Variants in NSDHL observed in about 807,000 individuals in gnomAD.
NSDHL encodes the protein NAD(P) dependent 3-beta-hydroxysteroid dehydrogenase NSDHL.
Under a neutral mutation model 23.0 loss-of-function variants are expected in NSDHL, and 1 was observed. The observed-to-expected ratio is 0.04, with a 90% CI of 0.02 to 0.21. The LOEUF (loss-of-function observed/expected upper bound fraction) is 0.21, where lower values mean the gene tolerates loss of function less well. Ranked by LOEUF, NSDHL falls within the 10% of genes least tolerant of loss-of-function variation. The pLI is 1.00. For missense variants in NSDHL, 237 were observed against 300.9 expected (o/e 0.79, Z 1.57); for synonymous variants, 128 against 121.1 (o/e 1.06, Z -0.37).
At chrX:152,835,652 G>T (rs1299327885) in intron 1 of NSDHL, among the ~76,000 whole-genome samples, 1 of 111,597 alleles carries the variant, frequency 9.0e-6, no homozygotes, top group African/African-American at 3.3e-5. Context: ...TGGCTGCATA[G>T]TATTCCATGG....
At chrX:152,837,636 A>G (rs139309748) in intron 1 of NSDHL, among the ~76,000 whole-genome samples, 3,077 of 112,173 alleles carry the variant, frequency 0.027, 97 homozygotes, top group African/African-American at 0.094. Flanking sequence ...TTGCATCCCT[A>G]GGATGAAGCC....
chrX:152,862,822 G>T, intron 5 of NSDHL, 98 bp downstream of exon 5: 1 of 844,423 alleles, frequency 1.2e-6, no homozygotes, highest in Non-Finnish European at 1.8e-6. Flanking sequence ...TGAGGCCTAC[G>T]TACCTGATTT....
intron 7 of NSDHL, among the ~76,000 whole-genome samples, chrX:152,868,170 C>T: frequency 9.6e-6 from 1 of 104,707 alleles, no homozygotes; most frequent in Non-Finnish European, 2.0e-5. Flanking sequence ...GACAGTCTCA[C>T]TCTGTCACCC....
At chrX:152,857,497 AAGGAC>A (rs1933460205) in intron 3 of NSDHL, among the ~76,000 whole-genome samples, 1 of 112,047 alleles carries the variant, frequency 8.9e-6, no homozygotes, top group Non-Finnish European at 1.9e-5. Flanking sequence ...ATCCAAACTG[AAGGAC>A]AGTCTATAAA....
intron 1 of NSDHL, among the ~76,000 whole-genome samples, chrX:152,840,908 C>G (rs1556844787): frequency 1.8e-5 from 2 of 113,397 alleles, no homozygotes; most frequent in African/African-American, 6.4e-5. Context: ...GCCATGCCCA[C>G]AGAGGTGGAG....
At chrX:152,857,440 C>A (rs1933459390) in intron 3 of NSDHL, among the ~76,000 whole-genome samples, 1 of 112,336 alleles carries the variant, frequency 8.9e-6, no homozygotes, top group African/African-American at 3.2e-5. Flanking sequence ...ATGTGGTATT[C>A]TTGCCAAAAC....
chrX:152,836,996 T>C (rs2125002168), intron 1 of NSDHL, among the ~76,000 whole-genome samples: 1 of 112,110 alleles, frequency 8.9e-6, no homozygotes, highest in Admixed American at 9.4e-5. Context: ...TGGTTCGTAG[T>C]TCTCCTTGAA....
intron 1 of NSDHL, among the ~76,000 whole-genome samples, chrX:152,835,305 T>C (rs898579858): frequency 3.6e-5 from 4 of 110,047 alleles, no homozygotes; most frequent in African/African-American, 1.3e-4. Context: ...CTTTTTTTTT[T>C]TTTAATTATT....
At chrX:152,836,443 A>G (rs781801024) in intron 1 of NSDHL, among the ~76,000 whole-genome samples, 1 of 111,905 alleles carries the variant, frequency 8.9e-6, no homozygotes, top group African/African-American at 3.3e-5. Context: ...TAGGTCTAAC[A>G]TTTAAGTCTT....
rs2071255 is a variant in NSDHL at position 152,867,882 on chromosome X, C to T, written c.789+209C>T. Among the ~76,000 whole-genome samples the T allele has an allele frequency of 0.17, 18,708 of 110,697 alleles. 1,493 individuals carry two copies. The highest frequency in any genetic ancestry group is 0.47 in the East Asian group (1,596 of 3,414). Reference sequence around the variant, plus strand: ...TGGGCAGCCAAATTTGGAGAGCTGACGAGCTGGGATTGAACAGACATTCAG... The same window carrying T: ...TGGGCAGCCAAATTTGGAGAGCTGATGAGCTGGGATTGAACAGACATTCAG... On this transcript the variant is annotated intron_variant, in intron 7 of 7. Transcript: ENST00000370274.
In NSDHL at chrX:152,869,123, C is replaced by G. The variant is rs1556848564; in HGVS notation, c.*7C>G. ...CCTGCGGAGGGTCAAGTGAGGGACA[C>G]TGGAGGCTGGGCTCTCTCGACACGT... On this transcript the variant is annotated 3_prime_UTR_variant, in exon 8 of 8. Coordinates refer to ENST00000370274, the MANE Select transcript of NSDHL (RefSeq NM_015922.3). 1 of 1,187,667 alleles carries G rather than the reference C, an allele frequency of 8.4e-7. No individual in the cohort carries two copies. Among genetic ancestry groups the G allele is most frequent in the African/African-American group, 1.7e-5 (1 of 57,515 alleles).
intron 7 of NSDHL, 25 bp from the exon 8 acceptor site, chrX:152,868,759 C>G (rs781893120): frequency 5.7e-5 from 68 of 1,182,883 alleles, no homozygotes; most frequent in Non-Finnish European, 7.1e-5. Context: ...GTGTTTCTAA[C>G]TTCTTGTTCT....
rs1233013070 is a variant in NSDHL at position 152,869,383 on chromosome X, AC to A, written c.*272del. On this transcript the variant is annotated 3_prime_UTR_variant, in exon 8 of 8. Transcript: ENST00000370274. ...TCTGTCTTTTTGTGTCTCTCTGTTTACCCCCTCCCTTGCCCCCTCTTCTGGT... is the reference window on the plus strand; with the variant it reads ...TCTGTCTTTTTGTGTCTCTCTGTTTACCCCTCCCTTGCCCCCTCTTCTGGT... 1.1e-4 allele frequency: 42 copies of A among 391,872 alleles called. No individual in the cohort carries two copies. Among genetic ancestry groups the A allele is most frequent in the Non-Finnish European group, 1.4e-4 (30 of 220,616 alleles). 32.3% of individuals were successfully genotyped at this position (391,872 alleles called of 1,213,427 possible). A position where few individuals can be genotyped will look rare whatever the true frequency, so the allele number is the denominator to read the frequency against.
Position 152,869,047 on chromosome X carries a change from A to G in NSDHL, c.1053A>G (p.Pro351=). 7 of 1,212,129 alleles carry G rather than the reference A, an allele frequency of 5.8e-6. No individual in the cohort carries two copies. Among genetic ancestry groups the G allele is most frequent in the Non-Finnish European group, 6.7e-6 (6 of 895,503 alleles). The change falls in exon 8 of 8, where the codon CCA becomes CCG. Residue 351 remains proline, a synonymous_variant. Coordinates refer to ENST00000370274, the MANE Select transcript of NSDHL (RefSeq NM_015922.3). The part of the protein sequence containing the change: ...ERAKKAMGYQ[P]LVTMDDAMER... The stretch of plus-strand genomic sequence containing the variant: ...CCAAAAAGGCCATGGGCTACCAGCC[A>G]CTAGTGACCATGGATGATGCTATGG...
chrX:152,844,900 A>G (rs1237748856), intron 1 of NSDHL, among the ~76,000 whole-genome samples: 1 of 112,009 alleles, frequency 8.9e-6, no homozygotes, highest in African/African-American at 3.2e-5. Context: ...GTCTAGATAC[A>G]CATTGAGTCC....
At chrX:152,833,299 A>G (rs1933042865) in intron 1 of NSDHL, among the ~76,000 whole-genome samples, 1 of 83,772 alleles carries the variant, frequency 1.2e-5, no homozygotes, top group Admixed American at 1.2e-4. Flanking sequence ...TAACCCCCAC[A>G]TTGTTCAAGA....
chrX:152,839,016 CTCT>C (rs1232863828), intron 1 of NSDHL, among the ~76,000 whole-genome samples: 11 of 112,132 alleles, frequency 9.8e-5, no homozygotes, highest in Non-Finnish European at 1.5e-4. Flanking sequence ...GGATAGTTAG[CTCT>C]TCTTGTTGAA....
chrX:152,869,004 A>T lies in NSDHL; in HGVS notation c.1010A>T (p.Tyr337Phe). 8.3e-7 allele frequency: 1 copy of T among 1,211,261 alleles called. No homozygotes were observed. ...MRVALAGTFH[Y>F]YSCERAKKAM... ...GTCGCACTGGCTGGCACATTCCACT[A>T]CTACAGCTGCGAGAGAGCCAAAAAG... The change falls in exon 8 of 8, where the codon TAC (tyrosine) becomes TTC (phenylalanine). Residue 337 changes from tyrosine to phenylalanine, a missense_variant. Tyr to Phe is a conservative substitution (Grantham distance 22). Coordinates refer to ENST00000370274, the MANE Select transcript of NSDHL (RefSeq NM_015922.3).
chrX:152,853,557 G>A (rs1933393178), intron 3 of NSDHL, among the ~76,000 whole-genome samples: 1 of 111,725 alleles, frequency 9.0e-6, no homozygotes, highest in African/African-American at 3.3e-5. Flanking sequence ...ACCGCCCTCT[G>A]TACAGAAGCC....
Sources: gnomAD v4.1 joint callset for allele counts (sites outside exome capture counted in the v4.1 genomes callset) on GRCh38, gnomAD v4.1.1 for gene constraint, MANE v1.5 for transcripts, NCBI Gene and HGNC (gene_info 2026-07-23, HGNC 2026-07-21) for gene names.